Variants in SIN3A observed in about 807,000 individuals in gnomAD.
SIN3A encodes the protein paired amphipathic helix protein Sin3a.
Under a neutral mutation model 146.1 loss-of-function variants are expected in SIN3A, and 14 were observed. The observed-to-expected ratio is 0.10, with a 90% CI of 0.06 to 0.15. The LOEUF (loss-of-function observed/expected upper bound fraction) is 0.15. Among genes scored for constraint, SIN3A ranks in the 10% least tolerant of loss-of-function variants. The pLI, the probability that SIN3A is intolerant of heterozygous loss-of-function variation, is 1.00. For synonymous variants in SIN3A, 572 were observed against 572.0 expected (o/e 1.00, Z 0.00); for missense variants, 1,028 against 1,576.0 (o/e 0.65, Z 5.89).
chr15:75,415,888 GGAGA>G (rs923735853), intron 3 of SIN3A: 5 of 233,868 alleles, frequency 2.1e-5, no homozygotes, highest in South Asian at 1.8e-4. Flanking sequence ...CCCCTGCAAA[GGAGA>G]GAGAGGAGGT....
At chr15:75,447,602 G>C (rs766804501) in intron 1 of SIN3A, 10 of 152,228 alleles carry the variant, frequency 6.6e-5, no homozygotes, top group Non-Finnish European at 1.0e-4. Flanking sequence ...CATCATGCAG[G>C]ATAGCCCAGG....
intron 12 of SIN3A, among the ~76,000 whole-genome samples, chr15:75,397,242 T>C (rs2073321953): frequency 6.6e-6 from 1 of 152,172 alleles, no homozygotes; most frequent in African/African-American, 2.4e-5. Flanking sequence ...GCAGAAGTGT[T>C]CCCTAAGTTT....
chr15:75,439,452 G>T (rs552192448), intron 1 of SIN3A, among the ~76,000 whole-genome samples: 2 of 151,108 alleles, frequency 1.3e-5, no homozygotes, highest in East Asian at 3.9e-4. Flanking sequence ...GCCATTCTTC[G>T]GCCTCAGCCT....
intron 1 of SIN3A, among the ~76,000 whole-genome samples, chr15:75,446,853 G>A (rs2074317278): frequency 6.6e-6 from 1 of 151,896 alleles, no homozygotes; most frequent in Non-Finnish European, 1.5e-5. Flanking sequence ...CTCACTGCAA[G>A]CTCCACCTCC....
In SIN3A at chr15:75,396,151, G is replaced by C. The variant is rs1383135151; in HGVS notation, c.2093+107C>G. 3 of 819,824 alleles carry C rather than the reference G, an allele frequency of 3.7e-6. No individual in the cohort carries two copies. The African/African-American group carries it at 5.1e-5, about 14-fold the overall frequency. 50.8% of individuals were successfully genotyped at this position (819,824 alleles called of 1,614,324 possible). A position where few individuals can be genotyped will look rare whatever the true frequency, so the allele number is the denominator to read the frequency against. Reference sequence around the variant, plus strand: ...TCCAACAACCAGGGTTGGGGAGAAAGAGAGGTCTCATGGGACAACCAGGTT... The same window carrying C: ...TCCAACAACCAGGGTTGGGGAGAAACAGAGGTCTCATGGGACAACCAGGTT... On this transcript the variant is annotated intron_variant, in intron 13 of 20. Coordinates refer to ENST00000394947, the MANE Select transcript of SIN3A (RefSeq NM_001145358.2).
chr15:75,417,982 C>T (rs1330173979), intron 3 of SIN3A, among the ~76,000 whole-genome samples: 1 of 152,104 alleles, frequency 6.6e-6, no homozygotes, highest in Non-Finnish European at 1.5e-5. Flanking sequence ...CCTCACCAGA[C>T]ACCAAACCAA....
At chr15:75,415,884 C>T (rs866990098) in intron 3 of SIN3A, 17 of 210,464 alleles carry the variant, frequency 8.1e-5, no homozygotes, top group Non-Finnish European at 1.0e-4. Flanking sequence ...AAGTCCCCTG[C>T]AAAGGAGAGA....
upstream of SIN3A, chr15:75,455,613 TC>T (rs2074477474): frequency 6.6e-6 from 1 of 152,084 alleles, no homozygotes; most frequent in South Asian, 2.1e-4. Context: ...GAGCTCTCCT[TC>T]CTGGCCTGTC....
At chr15:75,421,760 T>C (rs556568276) in intron 3 of SIN3A, 2 of 152,260 alleles carry the variant, frequency 1.3e-5, no homozygotes, top group Non-Finnish European at 2.9e-5. Context: ...AAACGTAAAA[T>C]TAGAAAAATT....
At chr15:75,395,298 T>A (rs2073281441) in intron 13 of SIN3A, among the ~76,000 whole-genome samples, 1 of 152,152 alleles carries the variant, frequency 6.6e-6, no homozygotes, top group African/African-American at 2.4e-5. Flanking sequence ...CAGAACTGAT[T>A]CTAATAACCC....
At chr15:75,432,553 G>A (rs2074030237) in intron 1 of SIN3A, among the ~76,000 whole-genome samples, 1 of 151,326 alleles carries the variant, frequency 6.6e-6, no homozygotes, top group African/African-American at 2.4e-5. Context: ...CAGGTGTGAT[G>A]GCGCACACCT....
intron 12 of SIN3A, among the ~76,000 whole-genome samples, chr15:75,397,647 T>C (rs2073329841): frequency 6.6e-6 from 1 of 152,334 alleles, no homozygotes; most frequent in Non-Finnish European, 1.5e-5. Flanking sequence ...TACTGAGGCA[T>C]TACTAACCTA....
chr15:75,384,832 G>T (rs2073049337), intron 16 of SIN3A, among the ~76,000 whole-genome samples: 1 of 151,994 alleles, frequency 6.6e-6, no homozygotes, highest in African/African-American at 2.4e-5. Context: ...CTTCACAACT[G>T]CCCTGGGAAG....
At position 75,393,355 on chromosome 15, in the gene SIN3A, G is replaced by T. The variant is rs930036657; in HGVS notation, c.2278-540C>A. ...CTTCTACACACTGATGACTTACAGGGAGAGTAGGACAGAATTGGAACCATC... is the reference window on the plus strand; with the variant it reads ...CTTCTACACACTGATGACTTACAGGTAGAGTAGGACAGAATTGGAACCATC... On this transcript the variant is annotated intron_variant, in intron 14 of 20. Coordinates refer to ENST00000394947, the MANE Select transcript of SIN3A (RefSeq NM_001145358.2). 2.0e-5 allele frequency among the ~76,000 whole-genome samples: 3 copies of T among 152,162 alleles called. 1 individual carries two copies. Among genetic ancestry groups the T allele is most frequent in the African/African-American group, 7.2e-5 (3 of 41,444 alleles).
intron 3 of SIN3A, among the ~76,000 whole-genome samples, chr15:75,418,262 C>G (rs1198814378): frequency 6.6e-6 from 1 of 151,846 alleles, no homozygotes; most frequent in Non-Finnish European, 1.5e-5. Context: ...AATCTCCTGA[C>G]CTCGTGATCC....
intron 1 of SIN3A, among the ~76,000 whole-genome samples, chr15:75,440,248 TG>T (rs2074183752): frequency 6.6e-6 from 1 of 151,954 alleles, no homozygotes. Flanking sequence ...TTTTTTTTTT[TG>T]AGACACAGTC....
rs1719330571 is a variant in SIN3A at position 75,417,926 on chromosome 15, G to C, written c.367-3615C>G. ...CCCTTCGGCCCTTCTCCCTTCCAGT[G>C]TAAGGACACACATTCAGGGACCATC... On this transcript the variant is annotated intron_variant, in intron 3 of 20. Coordinates refer to ENST00000394947, the MANE Select transcript of SIN3A (RefSeq NM_001145358.2). Among the ~76,000 whole-genome samples the C allele has an allele frequency of 2.6e-5, 4 of 152,164 alleles. No individual in the cohort carries two copies. In the South Asian group the frequency reaches 8.3e-4, roughly 32 times the overall value.
chr15:75,433,077 GC>G (rs1172095055), intron 1 of SIN3A, among the ~76,000 whole-genome samples: 3 of 152,080 alleles, frequency 2.0e-5, no homozygotes, highest in Admixed American at 2.0e-4. Flanking sequence ...TAAATAATAA[GC>G]CAAAATCAGA....
Position 75,384,450 on chromosome 15 carries a change from A to G in SIN3A, c.3022-13T>C. 1 of 1,593,426 alleles carries G rather than the reference A, an allele frequency of 6.3e-7. No individual in the cohort carries two copies. Among genetic ancestry groups the G allele is most frequent in the Non-Finnish European group, 8.5e-7 (1 of 1,169,706 alleles). On this transcript the variant is annotated splice_polypyrimidine_tract_variant and intron_variant, in intron 16 of 20. Transcript: ENST00000394947. ...CGATATGCTGCAGCTGGAAGCAAAC[A>G]AAGGCAAGCTTTTAGTGAACACAGA... is the stretch of plus-strand genomic sequence containing the variant.
Sources: allele counts gnomAD v4.1 joint callset (sites outside exome capture counted in the v4.1 genomes callset), GRCh38; gene constraint gnomAD v4.1.1; transcripts MANE v1.5; gene names NCBI Gene and HGNC (gene_info 2026-07-23, HGNC 2026-07-21).